FTCDNL1: variants seen among roughly 807,000 people sequenced by gnomAD.
FTCDNL1 encodes the protein formiminotransferase cyclodeaminase N-terminal like.
A neutral mutation model predicts 5.9 loss-of-function variants in FTCDNL1; 11 were observed. The observed-to-expected ratio is 1.87, with a 90% CI of 1.18 to 3.10. The LOEUF (loss-of-function observed/expected upper bound fraction) is 3.10, where lower values mean the gene tolerates loss of function less well. FTCDNL1 is among the 30% of genes most tolerant of loss of function. The pLI is 0.00. For synonymous variants in FTCDNL1, 58 were observed against 24.8 expected (o/e 2.34, Z -3.99); for missense variants, 115 against 65.5 (o/e 1.76, Z -2.61).
At chr2:199,770,956 G>C (rs1264858430) in intron 3 of FTCDNL1, among the ~76,000 whole-genome samples, 1 of 152,228 alleles carries the variant, frequency 6.6e-6, no homozygotes, top group Non-Finnish European at 1.5e-5. Flanking sequence ...CCCTGTTAGA[G>C]GCTGAGCCCT....
rs1034263553 is a variant in FTCDNL1, at chr2:199,769,152, A to AT, written c.212-8318dup. On this transcript the variant is annotated intron_variant, in intron 3 of 3. Transcript: ENST00000416668. ...ATCTCCTGCTCTGCTGAGTTCTTCC[A>AT]TTTGCTTCTTCAGACCCATTTTTCA... 5.9e-5 allele frequency among the ~76,000 whole-genome samples: 9 copies of AT among 151,998 alleles called. No individual in the cohort carries two copies. The South Asian group carries it at 1.7e-3, about 28-fold the overall frequency.
the FTCDNL1 span, among the ~76,000 whole-genome samples, chr2:199,677,388 TA>T: frequency 6.6e-6 from 1 of 152,134 alleles, no homozygotes; most frequent in African/African-American, 2.4e-5. Flanking sequence ...GAGACCATAA[TA>T]ACAACAGGGA....
intron 3 of FTCDNL1, among the ~76,000 whole-genome samples, chr2:199,844,871 C>T (rs1026865260): frequency 6.6e-6 from 1 of 151,854 alleles, no homozygotes; most frequent in African/African-American, 2.4e-5. Context: ...TTTCAGAATG[C>T]CTTATGAGTA....
intron 3 of FTCDNL1, among the ~76,000 whole-genome samples, chr2:199,794,889 C>T (rs1700099067): frequency 6.6e-6 from 1 of 152,060 alleles, no homozygotes; most frequent in Admixed American, 6.6e-5. Context: ...GTCTCAAATA[C>T]TACTATTACT....
At position 199,826,305 on chromosome 2, in the gene FTCDNL1, T is replaced by C. The variant is rs77825720; in HGVS notation, c.212-6548A>G. Among the ~76,000 whole-genome samples, 430 of 152,322 alleles carry C rather than the reference T, an allele frequency of 2.8e-3. 1 individual carries two copies. Among genetic ancestry groups the C allele is most frequent in the African/African-American group, 9.6e-3 (397 of 41,568 alleles). On this transcript the variant is annotated intron_variant, in intron 3 of 4. Coordinates refer to ENST00000420128, the MANE Select transcript of FTCDNL1 (RefSeq NM_001363886.2). Reference sequence around the variant, plus strand: ...ATTTTAATTTAGTGGAAACAACATATGCTTTTAAGTCCAGAAAGTATAGGA... The same window carrying C: ...ATTTTAATTTAGTGGAAACAACATACGCTTTTAAGTCCAGAAAGTATAGGA...
At chr2:199,823,242 G>A (rs1042476682) in intron 3 of FTCDNL1, among the ~76,000 whole-genome samples, 1 of 152,026 alleles carries the variant, frequency 6.6e-6, no homozygotes, top group African/African-American at 2.4e-5. Context: ...CACCACATCT[G>A]CAGTGACTTC....
intron 3 of FTCDNL1, among the ~76,000 whole-genome samples, chr2:199,776,674 A>T (rs531998171): frequency 1.1e-3 from 174 of 152,206 alleles, no homozygotes; most frequent in South Asian, 1.9e-3. Flanking sequence ...TGTGGTAGAC[A>T]CTCCGTAGAT....
the FTCDNL1 span, among the ~76,000 whole-genome samples, chr2:199,715,619 T>C: frequency 6.6e-6 from 1 of 152,084 alleles, no homozygotes; most frequent in African/African-American, 2.4e-5. Context: ...AGTATGAAAA[T>C]GGACTAATAC....
intron 4 of FTCDNL1, among the ~76,000 whole-genome samples, chr2:199,817,604 A>G (rs932984605): frequency 2.6e-5 from 4 of 152,120 alleles, no homozygotes; most frequent in Admixed American, 2.0e-4. Context: ...CCTGGGCAAC[A>G]TGGTGAAACC....
At chr2:199,722,361 C>G in the FTCDNL1 span, among the ~76,000 whole-genome samples, 2 of 152,206 alleles carry the variant, frequency 1.3e-5, no homozygotes, top group Admixed American at 6.5e-5. Context: ...CCAGTTCTCC[C>G]AGCACCATTT....
At chr2:199,829,194 T>C (rs911107897) in intron 3 of FTCDNL1, among the ~76,000 whole-genome samples, 5 of 152,148 alleles carry the variant, frequency 3.3e-5, no homozygotes, top group African/African-American at 1.2e-4. Context: ...TTTAGGTTAT[T>C]TTTTTCCCCC....
intron 3 of FTCDNL1, among the ~76,000 whole-genome samples, chr2:199,762,344 A>C (rs1399270868): frequency 6.6e-6 from 1 of 152,120 alleles, no homozygotes; most frequent in Non-Finnish European, 1.5e-5. Flanking sequence ...TCACCATTGC[A>C]CTCCAGCCTG....
At chr2:199,730,091 A>T in the FTCDNL1 span, among the ~76,000 whole-genome samples, 1 of 152,206 alleles carries the variant, frequency 6.6e-6, no homozygotes, top group Non-Finnish European at 1.5e-5. Context: ...GACAAGAACA[A>T]CAATGGGGAA....
chr2:199,731,672 A>C, the FTCDNL1 span, among the ~76,000 whole-genome samples: 3 of 152,188 alleles, frequency 2.0e-5, no homozygotes, highest in African/African-American at 4.8e-5. Context: ...GCGGATCACG[A>C]GGTCAGGAGA....
intron 3 of FTCDNL1, among the ~76,000 whole-genome samples, chr2:199,784,742 G>A (rs953360087): frequency 1.3e-5 from 2 of 152,170 alleles, no homozygotes; most frequent in African/African-American, 4.8e-5. Context: ...GGGAGGAAGT[G>A]TGGCCTGGGT....
At chr2:199,780,223 G>A (rs902160950) in intron 3 of FTCDNL1, among the ~76,000 whole-genome samples, 1 of 152,176 alleles carries the variant, frequency 6.6e-6, no homozygotes, top group South Asian at 2.1e-4. Flanking sequence ...ACCTCGCTAG[G>A]ATAGGGCAGG....
At chr2:199,761,001 G>A (rs1275058441) in intron 3 of FTCDNL1, among the ~76,000 whole-genome samples, 1 of 152,214 alleles carries the variant, frequency 6.6e-6, no homozygotes, top group African/African-American at 2.4e-5. Context: ...TCTGGTGACA[G>A]TGATCCCTAA....
downstream of FTCDNL1, among the ~76,000 whole-genome samples, chr2:199,808,383 T>C (rs1472506859): frequency 1.3e-5 from 2 of 152,264 alleles, no homozygotes; most frequent in Non-Finnish European, 2.9e-5. Flanking sequence ...CTTTTTGTTC[T>C]TTTTTAATTA....
At chr2:199,845,114 C>G (rs1273090967) in intron 3 of FTCDNL1, among the ~76,000 whole-genome samples, 1 of 151,996 alleles carries the variant, frequency 6.6e-6, no homozygotes, top group Non-Finnish European at 1.5e-5. Flanking sequence ...CTCTTATCCA[C>G]TAATTATATT....
Sources: gnomAD v4.1 joint callset for allele counts (sites outside exome capture counted in the v4.1 genomes callset) on GRCh38, gnomAD v4.1.1 for gene constraint, MANE v1.5 for transcripts, NCBI Gene and HGNC (gene_info 2026-07-23, HGNC 2026-07-21) for gene names.